Variants in CDH18 observed in about 807,000 individuals in gnomAD.
CDH18 encodes the protein cadherin-18.
In CDH18, 31 loss-of-function variants were observed where a neutral mutation model predicts 67.9. That is an observed-to-expected ratio of 0.46 (90% confidence interval 0.34 to 0.62). CDH18 has a LOEUF of 0.62. Ranked by LOEUF, CDH18 falls within the 20% of genes least tolerant of loss-of-function variation. The probability of loss-of-function intolerance (pLI) is 0.01; values close to 1 mark genes in which losing one functional copy is unlikely to be tolerated. For synonymous variants in CDH18, 362 were observed against 347.2 expected, an observed-to-expected ratio of 1.04 and a Z score of -0.48; for missense variants, 890 against 975.5, an observed-to-expected ratio of 0.91 and a Z score of 1.17.
intron 5 of CDH18, among the ~76,000 whole-genome samples, chr5:19,614,119 T>C (rs1162680796): frequency 2.0e-5 from 3 of 152,014 alleles, no homozygotes; most frequent in Non-Finnish European, 4.4e-5. Context: ...AGTTATATAT[T>C]TATGTTAAAA....
chr5:20,064,933 T>C (rs1050868157), intron 2 of CDH18, among the ~76,000 whole-genome samples: 3 of 152,070 alleles, frequency 2.0e-5, no homozygotes, highest in Admixed American at 6.6e-5. Context: ...AAGTTTGATA[T>C]ACATTAACTT....
At chr5:19,585,932 C>T (rs1160920539) in intron 7 of CDH18, among the ~76,000 whole-genome samples, 1 of 152,104 alleles carries the variant, frequency 6.6e-6, no homozygotes, top group African/African-American at 2.4e-5. Context: ...TGATGACAGA[C>T]ACCCCAATTC....
At chr5:19,738,029 G>T (rs1380884716) in intron 4 of CDH18, among the ~76,000 whole-genome samples, 2 of 152,044 alleles carry the variant, frequency 1.3e-5, no homozygotes, top group African/African-American at 2.4e-5. Context: ...GAATGGATAT[G>T]ATAAATATAG....
At chr5:19,884,799 C>A (rs1788025337) in intron 2 of CDH18, among the ~76,000 whole-genome samples, 1 of 151,900 alleles carries the variant, frequency 6.6e-6, no homozygotes, top group Non-Finnish European at 1.5e-5. Flanking sequence ...AAATTTAAAT[C>A]TTTACAAAAA....
At chr5:19,900,882 T>A (rs1017214834) in intron 2 of CDH18, among the ~76,000 whole-genome samples, 11 of 152,138 alleles carry the variant, frequency 7.2e-5, no homozygotes, top group Non-Finnish European at 1.3e-4. Flanking sequence ...CATGAATTTT[T>A]AAAAATATCA....
At chr5:20,229,989 C>T (rs950385608) in intron 2 of CDH18, among the ~76,000 whole-genome samples, 5 of 152,120 alleles carry the variant, frequency 3.3e-5, no homozygotes, top group African/African-American at 1.2e-4. Flanking sequence ...AGTTTCCAGG[C>T]ACTGCAGTTA....
At chr5:20,181,964 A>G (rs1262384473) in intron 2 of CDH18, among the ~76,000 whole-genome samples, 1 of 152,106 alleles carries the variant, frequency 6.6e-6, no homozygotes, top group Non-Finnish European at 1.5e-5. Flanking sequence ...ACTTTTATAT[A>G]AGGATCCCTA....
chr5:19,624,097 T>G (rs929832293), intron 5 of CDH18, among the ~76,000 whole-genome samples: 1 of 151,604 alleles, frequency 6.6e-6, no homozygotes, highest in Admixed American at 6.6e-5. Flanking sequence ...AAACTCTGTC[T>G]GCTGGGTGCA....
chr5:19,602,724 G>T (rs747994830), intron 6 of CDH18, among the ~76,000 whole-genome samples: 2 of 152,000 alleles, frequency 1.3e-5, no homozygotes, highest in African/African-American at 2.4e-5. Context: ...AGCATTTTGG[G>T]TGGCCAAGGC....
At chr5:19,969,971 C>A (rs1454480822) in intron 2 of CDH18, among the ~76,000 whole-genome samples, 1 of 151,814 alleles carries the variant, frequency 6.6e-6, no homozygotes, top group Admixed American at 6.6e-5. Flanking sequence ...CAGTATAAGA[C>A]AGTGGAGAAG....
At chr5:20,172,050 T>C (rs1199719896) in intron 2 of CDH18, among the ~76,000 whole-genome samples, 5 of 150,248 alleles carry the variant, frequency 3.3e-5, no homozygotes, top group Non-Finnish European at 7.4e-5. Context: ...ACCTTATTTC[T>C]TGGCTCTCTA....
In CDH18 at chr5:20,220,448, C is replaced by G. The variant is rs370658516; in HGVS notation, c.-518+34996G>C. Among the ~76,000 whole-genome samples, 87 of 151,962 alleles carry G rather than the reference C, an allele frequency of 5.7e-4. No homozygotes were observed. In the South Asian group the frequency reaches 0.016, roughly 28 times the overall value. ...CATGTAGAAGAATAAAACTAGAGCC[C>G]TATCACTCATCATACACAAAAATCA... On this transcript the variant is annotated intron_variant, in intron 2 of 14. Coordinates refer to the CDH18 transcript ENST00000507958.
chr5:20,557,368 T>A (rs75635208), intron 1 of CDH18, among the ~76,000 whole-genome samples: 4,163 of 151,938 alleles, frequency 0.027, 200 homozygotes, highest in African/African-American at 0.096. Flanking sequence ...GGTGTTCAGA[T>A]AAAAATAGTG....
chr5:19,508,503 G>C (rs992966330), intron 10 of CDH18, among the ~76,000 whole-genome samples: 4 of 151,632 alleles, frequency 2.6e-5, no homozygotes, highest in Non-Finnish European at 4.4e-5. Flanking sequence ...TACATAGAAT[G>C]GTTATTTATT....
intron 2 of CDH18, among the ~76,000 whole-genome samples, chr5:20,203,750 G>A (rs1170853373): frequency 6.6e-6 from 1 of 151,330 alleles, no homozygotes; most frequent in African/African-American, 2.4e-5. Flanking sequence ...AGAGAACCAC[G>A]ACCTCCCTAA....
At chr5:19,541,589 T>C (rs914216031) in intron 9 of CDH18, among the ~76,000 whole-genome samples, 14 of 152,090 alleles carry the variant, frequency 9.2e-5, no homozygotes, top group African/African-American at 3.1e-4. Flanking sequence ...CTCACAATCA[T>C]GAAAGAAGGC....
At position 19,471,934 on chromosome 5, in the gene CDH18, A is replaced by C. The variant is rs962264277; in HGVS notation, c.*1292T>G. Among the ~76,000 whole-genome samples, 1 of 152,168 alleles carries C rather than the reference A, an allele frequency of 6.6e-6. No homozygotes were observed. The highest frequency in any genetic ancestry group is 2.4e-5 in the African/African-American group (1 of 41,442). On this transcript the variant is annotated 3_prime_UTR_variant, in exon 13 of 13. Coordinates refer to ENST00000382275, the MANE Select transcript of CDH18 (RefSeq NM_004934.5). ...TTGGCAAAGCATTTTACAGATGCTC[A>C]TTTAATCCTCACAACAACCCTGTGA... is the stretch of plus-strand genomic sequence containing the variant.
At chr5:20,057,789 T>C (rs1415324889) in intron 2 of CDH18, among the ~76,000 whole-genome samples, 2 of 152,128 alleles carry the variant, frequency 1.3e-5, no homozygotes, top group Admixed American at 6.5e-5. Context: ...AAGAATATTC[T>C]TTTATTAGCT....
chr5:20,258,575 C>A (rs949856844), intron 1 of CDH18, among the ~76,000 whole-genome samples: 1 of 152,040 alleles, frequency 6.6e-6, no homozygotes, highest in Non-Finnish European at 1.5e-5. Flanking sequence ...CAACAAGCCA[C>A]CTATTAATTC....
Sources: allele counts gnomAD v4.1 joint callset (sites outside exome capture counted in the v4.1 genomes callset), GRCh38; gene constraint gnomAD v4.1.1; transcripts MANE v1.5; gene names NCBI Gene and HGNC (gene_info 2026-07-23, HGNC 2026-07-21).